The following CDH22 variants were observed in gnomAD, a reference collection of about 807,000 sequenced individuals.
CDH22 encodes the protein cadherin-22.
Under a neutral mutation model 58.4 loss-of-function variants are expected in CDH22, and 30 were observed. The ratio of observed to expected loss-of-function variants is 0.51; its 90% CI spans 0.38 to 0.70. The LOEUF (loss-of-function observed/expected upper bound fraction) is 0.70. Among genes scored for constraint, CDH22 ranks in the 30% least tolerant of loss-of-function variants. CDH22 has a pLI of 0.00. For synonymous variants in CDH22, 513 were observed against 558.2 expected, an observed-to-expected ratio of 0.92 and a Z score of 1.14; for missense variants, 1,014 against 1,233.9, an observed-to-expected ratio of 0.82 and a Z score of 2.67.
intron 10 of CDH22, among the ~76,000 whole-genome samples, chr20:46,181,756 T>TTCCTTCCTTCC (rs1410990843): frequency 0.05 from 1,371 of 27,236 alleles, 16 homozygotes; most frequent in Non-Finnish European, 0.064. Context: ...TCCTTCCTTC[T>TTCCTTCCTTCC]TTCTTTCTTT....
chr20:46,224,527 T>C (rs2086157482), intron 4 of CDH22, among the ~76,000 whole-genome samples: 2 of 152,176 alleles, frequency 1.3e-5, no homozygotes, highest in African/African-American at 4.8e-5. Context: ...GTTCTAGGTG[T>C]TTCTTTCCCT....
intron 4 of CDH22, among the ~76,000 whole-genome samples, chr20:46,226,942 G>C (rs1987703505): frequency 6.6e-6 from 1 of 152,190 alleles, no homozygotes; most frequent in South Asian, 2.1e-4. Flanking sequence ...TGGGGACAGC[G>C]GGTGGGCGTG....
chr20:46,196,727 A>G (rs909018816), intron 8 of CDH22, among the ~76,000 whole-genome samples: 1 of 152,146 alleles, frequency 6.6e-6, no homozygotes, highest in African/African-American at 2.4e-5. Context: ...CACAGTGAAG[A>G]TGGCAGTAGA....
chr20:46,187,570 C>T (rs2085835513), intron 8 of CDH22, among the ~76,000 whole-genome samples: 1 of 151,782 alleles, frequency 6.6e-6, no homozygotes, highest in African/African-American at 2.4e-5. Flanking sequence ...CATCACTACC[C>T]TCACCACCAC....
chr20:46,287,027 G>A (rs998287157), intron 1 of CDH22, among the ~76,000 whole-genome samples: 6 of 152,094 alleles, frequency 3.9e-5, no homozygotes, highest in Non-Finnish European at 8.8e-5. Context: ...TAAGCCCTCT[G>A]AGGGATAGAG....
intron 4 of CDH22, among the ~76,000 whole-genome samples, chr20:46,224,120 T>C (rs1158914610): frequency 6.6e-6 from 1 of 152,188 alleles, no homozygotes; most frequent in Non-Finnish European, 1.5e-5. Context: ...CCCAAAGTGT[T>C]GGGATTACAG....
chr20:46,298,693 T>A (rs1305461684), intron 1 of CDH22, among the ~76,000 whole-genome samples: 1 of 152,044 alleles, frequency 6.6e-6, no homozygotes, highest in African/African-American at 2.4e-5. Context: ...GATGGATGGC[T>A]GGCTTAGATG....
At position 46,256,846 on chromosome 20, in the gene CDH22, A is replaced by G. The variant is rs1285679154; in HGVS notation, c.-399-5153T>C. 2.6e-5 allele frequency among the ~76,000 whole-genome samples: 4 copies of G among 152,082 alleles called. No individual in the cohort carries two copies. The East Asian group carries it at 5.8e-4, about 22-fold the overall frequency. ...CAAGATCCTGTCTCTACAAAAAACT[A>G]TTTAAAAAAATTAGCCAGGAATGGT... On this transcript the variant is annotated intron_variant, in intron 1 of 11. Coordinates refer to ENST00000537909, the MANE Select transcript of CDH22 (RefSeq NM_021248.3).
intron 3 of CDH22, among the ~76,000 whole-genome samples, chr20:46,240,144 T>C (rs2086279513): frequency 6.6e-6 from 1 of 152,060 alleles, no homozygotes; most frequent in Non-Finnish European, 1.5e-5. Context: ...TCCTCTGGGC[T>C]GTAGACAGAG....
chr20:46,268,614 A>T (rs1195461321), intron 1 of CDH22, among the ~76,000 whole-genome samples: 1 of 152,052 alleles, frequency 6.6e-6, no homozygotes, highest in Non-Finnish European at 1.5e-5. Flanking sequence ...CTCCTTAGGG[A>T]GGCTTCAGGC....
intron 2 of CDH22, among the ~76,000 whole-genome samples, chr20:46,242,578 G>A (rs919765346): frequency 6.6e-6 from 1 of 152,254 alleles, no homozygotes; most frequent in African/African-American, 2.4e-5. Flanking sequence ...CACGGTGGGG[G>A]CACTGCCCAG....
At chr20:46,213,248 C>G in intron 5 of CDH22, 60 bp from the exon 6 acceptor site, 2 of 1,392,624 alleles carry the variant, frequency 1.4e-6, no homozygotes, top group Non-Finnish European at 2.0e-6. Context: ...CCTCTGCCAG[C>G]AGTGGGGGAG....
At chr20:46,301,720 AGAATTGCTTGAACCCGG>A in intron 1 of CDH22, among the ~76,000 whole-genome samples, 1 of 152,118 alleles carries the variant, frequency 6.6e-6, no homozygotes, top group Non-Finnish European at 1.5e-5. Context: ...CTGAGGGAGG[AGAATTGCTTGAACCCGG>A]GAGGCAGAAG....
chr20:46,211,752 C>T (rs1290718188), intron 6 of CDH22, among the ~76,000 whole-genome samples: 5 of 152,066 alleles, frequency 3.3e-5, no homozygotes, highest in Non-Finnish European at 7.4e-5. Context: ...GCTCATCTAA[C>T]AGTTAAGGAT....
intron 3 of CDH22, among the ~76,000 whole-genome samples, chr20:46,233,032 C>T (rs1178490551): frequency 1.3e-5 from 2 of 152,144 alleles, no homozygotes; most frequent in African/African-American, 4.8e-5. Flanking sequence ...AGACAGAAAG[C>T]AGTAGAAACA....
intron 3 of CDH22, among the ~76,000 whole-genome samples, chr20:46,237,233 G>A (rs532177121): frequency 6.6e-6 from 1 of 152,308 alleles, no homozygotes; most frequent in South Asian, 2.1e-4. Context: ...CAGGCGTCCT[G>A]ACTATCAACT....
chr20:46,186,842 T>G lies in CDH22; in HGVS notation c.1529A>C (p.Asp510Ala), dbSNP rs776406095. ...CAGGGGTACCTGGCCTGGCTTGGCA[T>G]CCTCGCATACAGCTGCCTCGTAGGG... ...ATPYEAAVCE[D>A]AKPGQLIQTI... The change falls in exon 9 of 12, where the codon GAT (aspartate) becomes GCT (alanine). Residue 510 changes from aspartate to alanine, a missense_variant. By Grantham distance (126) the Asp-to-Ala change is moderately radical (BLOSUM62 -2). This residue lies in a region of CDH22 where 806 missense variants were observed against 1,038.7 expected (regional missense o/e 0.78). Coordinates refer to ENST00000537909, the MANE Select transcript of CDH22 (RefSeq NM_021248.3). 1 of 1,606,914 alleles carries G rather than the reference T, an allele frequency of 6.2e-7. No homozygotes were observed. Among genetic ancestry groups the G allele is most frequent in the Non-Finnish European group, 8.5e-7 (1 of 1,176,120 alleles).
At chr20:46,303,880 C>T (rs1465651985) in intron 1 of CDH22, among the ~76,000 whole-genome samples, 3 of 152,158 alleles carry the variant, frequency 2.0e-5, no homozygotes, top group African/African-American at 4.8e-5. Flanking sequence ...CGTTAGAGAA[C>T]GATCGCTCTG....
In CDH22 at chr20:46,227,638, G is replaced by T; in HGVS notation, c.551-11C>A. ...GCATCACCGACGTGCCTGGGCCCGG[G>T]GGACCAAGCGAGACAGGGGTCATCT... On this transcript the variant is annotated splice_polypyrimidine_tract_variant and intron_variant, in intron 3 of 11. Transcript: ENST00000537909. The T allele has an allele frequency of 6.2e-7, 1 of 1,606,480 alleles. No individual in the cohort carries two copies.
Sources: gnomAD v4.1 joint callset for allele counts (sites outside exome capture counted in the v4.1 genomes callset) on GRCh38, gnomAD v4.1.1 for gene constraint, gnomAD v4.1.1 regional missense constraint, MANE v1.5 for transcripts, NCBI Gene and HGNC (gene_info 2026-07-23, HGNC 2026-07-21) for gene names.